Variants in GMPS observed in about 807,000 individuals in gnomAD.
GMPS encodes the protein GMP synthase [glutamine-hydrolyzing].
Under a neutral mutation model 77.9 loss-of-function variants are expected in GMPS, and 15 were observed. The ratio of observed to expected loss-of-function variants is 0.19; its 90% confidence interval spans 0.13 to 0.30. GMPS has a LOEUF of 0.30. Ranked by LOEUF, GMPS falls within the 10% of genes least tolerant of loss-of-function variation. The probability of loss-of-function intolerance (pLI) is 1.00; values close to 1 mark genes in which losing one functional copy is unlikely to be tolerated. For synonymous variants in GMPS, 224 were observed against 275.9 expected (o/e 0.81, Z 1.86); for missense variants, 590 against 838.8 (o/e 0.70, Z 3.66).
intron 13 of GMPS, 73 bp from the exon 14 acceptor site, chr3:155,934,843 G>T (rs1479288801): frequency 6.9e-6 from 7 of 1,007,622 alleles, no homozygotes; most frequent in Non-Finnish European, 1.1e-5. Context: ...TAAGTGCCTT[G>T]CTTCTCATAC....
chr3:155,885,473 A>G (rs1445982058), intron 1 of GMPS, among the ~76,000 whole-genome samples: 1 of 152,250 alleles, frequency 6.6e-6, no homozygotes, highest in South Asian at 2.1e-4. Flanking sequence ...CATTGTTTAT[A>G]TGACCAAATG....
At chr3:155,896,048 C>T (rs373420628) in intron 2 of GMPS, among the ~76,000 whole-genome samples, 23 of 149,628 alleles carry the variant, frequency 1.5e-4, no homozygotes, top group African/African-American at 5.2e-4. Context: ...CTCGCTCTGT[C>T]ACCCAGGCTG....
chr3:155,900,608 T>C (rs187332481), intron 3 of GMPS, among the ~76,000 whole-genome samples: 1 of 152,246 alleles, frequency 6.6e-6, no homozygotes, highest in Admixed American at 6.5e-5. Context: ...AATGGCTTAG[T>C]GTTTCCCCAT....
intron 5 of GMPS, 58 bp downstream of exon 5, chr3:155,906,321 C>G (rs1352837596): frequency 3.2e-6 from 3 of 942,962 alleles, no homozygotes; most frequent in Non-Finnish European, 5.1e-6. Context: ...GAAGAGTAAG[C>G]ATATGCTTCT....
chr3:155,934,551 T>G (rs532234289), intron 13 of GMPS, among the ~76,000 whole-genome samples: 1 of 152,348 alleles, frequency 6.6e-6, no homozygotes, highest in African/African-American at 2.4e-5. Context: ...TTAACTTGAT[T>G]ACATTTGCAA....
chr3:155,943,022 G>A lies in GMPS; in HGVS notation c.*5330G>A, dbSNP rs1039732624. Reference sequence around the variant, plus strand: ...GAGGCGGGCGGATCTCTTGAGGTCAGGAGTTTGAGACCAGCGTGGCCAACA... The same window carrying A: ...GAGGCGGGCGGATCTCTTGAGGTCAAGAGTTTGAGACCAGCGTGGCCAACA... On this transcript the variant is annotated 3_prime_UTR_variant, in exon 16 of 16. Coordinates refer to ENST00000496455, the MANE Select transcript of GMPS (RefSeq NM_003875.3). 12 of 178,606 alleles carry A rather than the reference G, an allele frequency of 6.7e-5. No homozygotes were observed. Among genetic ancestry groups the A allele is most frequent in the Non-Finnish European group, 2.4e-5 (2 of 83,328 alleles). The allele number at this position is 178,606 out of a possible 1,614,324, so 11.1% of individuals were successfully genotyped here. A position where few individuals can be genotyped will look rare whatever the true frequency, so the allele number is the denominator to read the frequency against.
At chr3:155,884,510 A>C (rs1754284738) in intron 1 of GMPS, among the ~76,000 whole-genome samples, 1 of 152,202 alleles carries the variant, frequency 6.6e-6, no homozygotes, top group Non-Finnish European at 1.5e-5. Context: ...GTGTCAACAA[A>C]ATAGTATTGC....
In GMPS at chr3:155,880,777, A is replaced by G. The variant is rs112000038; in HGVS notation, c.27+9880A>G. On this transcript the variant is annotated intron_variant, in intron 1 of 15. Transcript: ENST00000496455. ...CTCTGTCGGTTTGTCTGTTAGGCATATTATCTTGCCTAAGGTGGTACATCT... is the reference window on the plus strand; with the variant it reads ...CTCTGTCGGTTTGTCTGTTAGGCATGTTATCTTGCCTAAGGTGGTACATCT... 2.7e-3 allele frequency among the ~76,000 whole-genome samples: 410 copies of G among 152,104 alleles called. 1 individual carries two copies. The highest frequency in any genetic ancestry group is 4.8e-3 in the Non-Finnish European group (327 of 67,990).
At chr3:155,893,359 T>C (rs1754520264) in intron 1 of GMPS, among the ~76,000 whole-genome samples, 159 bp from the exon 2 acceptor site, 1 of 152,244 alleles carries the variant, frequency 6.6e-6, no homozygotes. Context: ...TATATTAAAA[T>C]CTTCCCTTTA....
chr3:155,915,259 C>T (rs1390854414), intron 8 of GMPS, among the ~76,000 whole-genome samples: 4 of 119,776 alleles, frequency 3.3e-5, no homozygotes, highest in African/African-American at 6.2e-5. Context: ...TTTTTGGAGG[C>T]GGAGTTTTGT....
intron 13 of GMPS, among the ~76,000 whole-genome samples, chr3:155,932,756 G>A (rs1248222066): frequency 6.6e-6 from 1 of 152,202 alleles, no homozygotes; most frequent in Non-Finnish European, 1.5e-5. Context: ...AGCAGAGTCT[G>A]TATAGTTCGA....
rs3772117 is a variant in GMPS, at chr3:155,922,170, A to G, written c.1319-17A>G. ...TATAACATTAATGTTAAATACTATT[A>G]TTACTCCTACCTTTAGGTCCTGGCC... On this transcript the variant is annotated splice_polypyrimidine_tract_variant and intron_variant, in intron 10 of 15. Coordinates refer to ENST00000496455, the MANE Select transcript of GMPS (RefSeq NM_003875.3). The G allele has an allele frequency of 0.27, 266,953 of 981,254 alleles. 38,844 individuals carry two copies. The highest frequency in any genetic ancestry group is 0.43 in the South Asian group (25,703 of 60,362). 60.8% of individuals were successfully genotyped at this position (981,254 alleles called of 1,614,324 possible). A position where few individuals can be genotyped will look rare whatever the true frequency, so the allele number is the denominator to read the frequency against.
intron 12 of GMPS, among the ~76,000 whole-genome samples, chr3:155,927,095 G>T (rs1755476215): frequency 6.6e-6 from 1 of 152,098 alleles, no homozygotes; most frequent in African/African-American, 2.4e-5. Context: ...CCAGCTATTG[G>T]GTTAAGGAAC....
intron 14 of GMPS, among the ~76,000 whole-genome samples, chr3:155,936,029 C>G (rs2108152268): frequency 6.6e-6 from 1 of 152,266 alleles, no homozygotes; most frequent in Non-Finnish European, 1.5e-5. Context: ...TCAGTATTCG[C>G]TAATTCGTTG....
intron 1 of GMPS, among the ~76,000 whole-genome samples, chr3:155,887,231 G>A (rs187015815): frequency 5.9e-5 from 9 of 152,254 alleles, no homozygotes; most frequent in Non-Finnish European, 4.4e-5. Context: ...AACAGTCTAA[G>A]GGGAAGTCAC....
chr3:155,887,952 A>AT (rs1224843397), intron 1 of GMPS, among the ~76,000 whole-genome samples: 7 of 152,216 alleles, frequency 4.6e-5, no homozygotes, highest in African/African-American at 1.4e-4. Context: ...GAACAACAGA[A>AT]CTACAGAGTC....
At chr3:155,871,187 G>A (rs954481562) in intron 1 of GMPS, among the ~76,000 whole-genome samples, 19 of 152,170 alleles carry the variant, frequency 1.2e-4, no homozygotes, top group Admixed American at 1.2e-3. Context: ...CGCCGCTGTG[G>A]GGCGCAGAGC....
chr3:155,938,280 T>C lies in GMPS; in HGVS notation c.*588T>C, dbSNP rs1755808179. On this transcript the variant is annotated 3_prime_UTR_variant, in exon 16 of 16. Transcript: ENST00000496455. ...GCACCAGGAATTTGTTGATGTACTT[T>C]TGAATTTTATTTCACAGCCTTGGGA... is the stretch of plus-strand genomic sequence containing the variant. 1 of 219,820 alleles carries C rather than the reference T, an allele frequency of 4.5e-6. No homozygotes were observed. 13.6% of individuals were successfully genotyped at this position (219,820 alleles called of 1,614,324 possible).
chr3:155,912,251 A>G (rs192261128), intron 7 of GMPS, among the ~76,000 whole-genome samples: 5 of 152,362 alleles, frequency 3.3e-5, no homozygotes, highest in Non-Finnish European at 7.3e-5. Context: ...GTAAAAGCAT[A>G]AAACAGTGTA....
Sources: allele counts gnomAD v4.1 joint callset (sites outside exome capture counted in the v4.1 genomes callset), GRCh38; gene constraint gnomAD v4.1.1; transcripts MANE v1.5; gene names NCBI Gene and HGNC (gene_info 2026-07-23, HGNC 2026-07-21).